Variants in OXR1 observed in about 807,000 individuals in gnomAD.
OXR1 encodes the protein oxidation resistance protein 1.
Under a neutral mutation model 104.6 loss-of-function variants are expected in OXR1, and 41 were observed. That is an observed-to-expected ratio of 0.39 (90% confidence interval 0.31 to 0.51). The LOEUF is 0.51. Ranked by LOEUF, OXR1 falls within the 20% of genes least tolerant of loss-of-function variation. OXR1 has a pLI of 0.77. For missense variants in OXR1, 955 were observed against 1,031.9 expected, an observed-to-expected ratio of 0.93 and a Z score of 1.02; for synonymous variants, 348 against 348.4, an observed-to-expected ratio of 1.00 and a Z score of 0.01.
In OXR1 at chr8:106,488,905, G is replaced by A. The variant is rs537157758; in HGVS notation, c.24-30038G>A. On this transcript the variant is annotated intron_variant, in intron 2 of 16. Transcript: ENST00000517566. ...TGGCTTAGTATTGACTTGGGGATGC[G>A]GGCTCTTTTTTGGTTCCATATGAAC... 8.8e-4 allele frequency among the ~76,000 whole-genome samples: 133 copies of A among 151,696 alleles called. 1 individual carries two copies. The highest frequency in any genetic ancestry group is 3.4e-3 in the Middle Eastern group (1 of 294).
At chr8:106,687,333 T>G (rs965782317) in intron 6 of OXR1, among the ~76,000 whole-genome samples, 1 of 152,192 alleles carries the variant, frequency 6.6e-6, no homozygotes, top group African/African-American at 2.4e-5. Context: ...CTTACCTCTT[T>G]AGGGATAGAG....
chr8:106,554,836 C>G (rs1444740812), intron 3 of OXR1, among the ~76,000 whole-genome samples: 2 of 151,886 alleles, frequency 1.3e-5, no homozygotes, highest in Non-Finnish European at 2.9e-5. Flanking sequence ...CATTCTTAAC[C>G]CCAGATTAAA....
intron 3 of OXR1, among the ~76,000 whole-genome samples, chr8:106,587,360 A>T (rs2130669887): frequency 6.6e-6 from 1 of 152,294 alleles, no homozygotes; most frequent in Non-Finnish European, 1.5e-5. Flanking sequence ...GGAAAGAACA[A>T]ATGGCGTGAA....
intron 2 of OXR1, among the ~76,000 whole-genome samples, chr8:106,392,738 A>G (rs28420226): frequency 3.3e-5 from 5 of 152,144 alleles, no homozygotes; most frequent in Non-Finnish European, 7.3e-5. Context: ...CCAGCTAGTT[A>G]TGTCATAGAC....
intron 2 of OXR1, among the ~76,000 whole-genome samples, chr8:106,511,555 A>G (rs1267197347): frequency 9.2e-6 from 1 of 108,570 alleles, no homozygotes; most frequent in Non-Finnish European, 2.1e-5. Flanking sequence ...ACTCTCTCTC[A>G]TACACACACA....
chr8:106,287,434 C>T (rs2130021108), intron 1 of OXR1, among the ~76,000 whole-genome samples: 1 of 152,134 alleles, frequency 6.6e-6, no homozygotes, highest in African/African-American at 2.4e-5. Context: ...AATTCAGTGA[C>T]CAGAAAACAG....
At chr8:106,432,622 C>G (rs1819406375) in intron 2 of OXR1, among the ~76,000 whole-genome samples, 1 of 150,406 alleles carries the variant, frequency 6.6e-6, no homozygotes, top group Admixed American at 6.6e-5. Flanking sequence ...TAGTTGAACT[C>G]CCTTCATGAA....
At chr8:106,408,065 C>T in intron 2 of OXR1, among the ~76,000 whole-genome samples, 1 of 152,140 alleles carries the variant, frequency 6.6e-6, no homozygotes, top group East Asian at 1.9e-4. Flanking sequence ...CTAGTGGGTG[C>T]AGGCCAGTGA....
intron 3 of OXR1, among the ~76,000 whole-genome samples, chr8:106,524,758 T>C (rs142573055): frequency 3.9e-5 from 6 of 152,046 alleles, no homozygotes; most frequent in Non-Finnish European, 8.8e-5. Flanking sequence ...CTAAATGCCA[T>C]AGAGATGGGA....
At position 106,437,997 on chromosome 8, in the gene OXR1, A is replaced by G. The variant is rs934093154; in HGVS notation, c.23+78361A>G. On this transcript the variant is annotated intron_variant, in intron 2 of 16. Transcript: ENST00000517566. ...TAGCTGGAGAGATGTAAGCAAAAAG[A>G]AAGATAAACACAACAAGGCAGCATA... Among the ~76,000 whole-genome samples, 6 of 152,186 alleles carry G rather than the reference A, an allele frequency of 3.9e-5. 1 individual carries two copies. In the South Asian group the frequency reaches 1.2e-3, roughly 31 times the overall value.
At chr8:106,715,438 T>A (rs1832141802) in intron 11 of OXR1, among the ~76,000 whole-genome samples, 1 of 148,090 alleles carries the variant, frequency 6.8e-6, no homozygotes, top group Non-Finnish European at 1.5e-5. Flanking sequence ...TATATATGTA[T>A]CTTATATATA....
At chr8:106,679,064 T>C (rs890185708) in intron 3 of OXR1, 146 bp from the exon 4 acceptor site, 3 of 452,386 alleles carry the variant, frequency 6.6e-6, no homozygotes, top group African/African-American at 4.1e-5. Context: ...TTTTGACAGT[T>C]GCTTGATTTT....
intron 3 of OXR1, among the ~76,000 whole-genome samples, chr8:106,554,855 T>A (rs1333045873): frequency 6.6e-6 from 1 of 152,160 alleles, no homozygotes; most frequent in Admixed American, 6.6e-5. Flanking sequence ...AAGCAGAATG[T>A]CCAAGAGTAG....
chr8:106,374,924 C>T (rs189589947), intron 2 of OXR1, among the ~76,000 whole-genome samples: 3 of 152,282 alleles, frequency 2.0e-5, no homozygotes, highest in South Asian at 2.1e-4. Flanking sequence ...GCCTCATAGA[C>T]TCCCGCTGTA....
At chr8:106,647,381 C>T (rs921820445) in intron 3 of OXR1, among the ~76,000 whole-genome samples, 1 of 152,174 alleles carries the variant, frequency 6.6e-6, no homozygotes, top group East Asian at 1.9e-4. Context: ...TATATTCAAA[C>T]GATAACCCAC....
intron 1 of OXR1, among the ~76,000 whole-genome samples, chr8:106,287,759 A>G (rs1185617058): frequency 1.3e-5 from 2 of 152,222 alleles, no homozygotes; most frequent in African/African-American, 4.8e-5. Flanking sequence ...CTTGGTGACA[A>G]TAAAAAGTTC....
At chr8:106,416,919 TTGGTGAGATGGA>T (rs1818704164) in intron 2 of OXR1, among the ~76,000 whole-genome samples, 1 of 152,118 alleles carries the variant, frequency 6.6e-6, no homozygotes, top group Non-Finnish European at 1.5e-5. Flanking sequence ...TCTTTTGTGG[TTGGTGAGATGGA>T]TGGGGCCTTG....
chr8:106,524,561 C>A (rs561100466), intron 3 of OXR1, among the ~76,000 whole-genome samples: 2 of 152,254 alleles, frequency 1.3e-5, no homozygotes, highest in African/African-American at 4.8e-5. Flanking sequence ...CAGTGACACA[C>A]CAAACAGTGA....
At chr8:106,379,386 T>A (rs2130401153) in intron 2 of OXR1, among the ~76,000 whole-genome samples, 1 of 152,266 alleles carries the variant, frequency 6.6e-6, no homozygotes, top group Admixed American at 6.5e-5. Flanking sequence ...AAAGTTGTTT[T>A]TTGACAAGAG....
Sources: allele counts gnomAD v4.1 joint callset (sites outside exome capture counted in the v4.1 genomes callset), GRCh38; gene constraint gnomAD v4.1.1; transcripts MANE v1.5; gene names NCBI Gene and HGNC (gene_info 2026-07-23, HGNC 2026-07-21).